NELL1: variants seen among roughly 807,000 people sequenced by gnomAD.
NELL1 encodes the protein protein kinase C-binding protein NELL1.
A neutral mutation model predicts 107.4 loss-of-function variants in NELL1; 76 were observed. The observed-to-expected ratio is 0.71, with a 90% CI of 0.59 to 0.86. The LOEUF is 0.86. Ranked by LOEUF, NELL1 falls within the 40% of genes least tolerant of loss-of-function variation. The pLI, the probability that NELL1 is intolerant of heterozygous loss-of-function variation, is 0.00. For synonymous variants in NELL1, 353 were observed against 341.2 expected, an observed-to-expected ratio of 1.03 and a Z score of -0.38; for missense variants, 1,024 against 1,005.5, an observed-to-expected ratio of 1.02 and a Z score of -0.25.
chr11:20,837,659 TAAAAC>T (rs1431363266), intron 3 of NELL1, among the ~76,000 whole-genome samples: 7 of 151,716 alleles, frequency 4.6e-5, no homozygotes, highest in Admixed American at 3.9e-4. Flanking sequence ...CAAAACAAAA[TAAAAC>T]AAAACAAGAA....
intron 13 of NELL1, among the ~76,000 whole-genome samples, chr11:21,161,411 C>T (rs2133800368): frequency 6.6e-6 from 1 of 152,242 alleles, no homozygotes; most frequent in African/African-American, 2.4e-5. Context: ...GTGGCGCACG[C>T]CGGTAATCCC....
chr11:21,355,820 G>T (rs1850919273), intron 14 of NELL1, among the ~76,000 whole-genome samples: 1 of 152,034 alleles, frequency 6.6e-6, no homozygotes, highest in African/African-American at 2.4e-5. Context: ...TTGACCTTCT[G>T]GTCAGAAGAG....
intron 15 of NELL1, among the ~76,000 whole-genome samples, chr11:21,391,985 C>G (rs1051351136): frequency 3.3e-5 from 5 of 151,788 alleles, no homozygotes; most frequent in African/African-American, 1.2e-4. Context: ...TCCTAGAAAT[C>G]AATCCTATAA....
intron 12 of NELL1, among the ~76,000 whole-genome samples, chr11:21,074,110 AT>A (rs1212990108): frequency 6.6e-6 from 1 of 152,152 alleles, no homozygotes; most frequent in Non-Finnish European, 1.5e-5. Context: ...GTCAAATTAC[AT>A]TTCTAAGAGA....
At chr11:21,120,706 A>G (rs1407911046) in intron 13 of NELL1, among the ~76,000 whole-genome samples, 1 of 152,172 alleles carries the variant, frequency 6.6e-6, no homozygotes, top group African/African-American at 2.4e-5. Flanking sequence ...TAGAATGCAA[A>G]GCTACTTTTT....
At chr11:20,862,723 C>A (rs1234967661) in intron 4 of NELL1, among the ~76,000 whole-genome samples, 1 of 147,846 alleles carries the variant, frequency 6.8e-6, no homozygotes, top group Non-Finnish European at 1.5e-5. Flanking sequence ...GAACAAAGGT[C>A]TCTGGCTTTC....
chr11:21,099,680 T>C (rs948503847), intron 12 of NELL1, among the ~76,000 whole-genome samples: 5 of 152,316 alleles, frequency 3.3e-5, no homozygotes, highest in African/African-American at 1.2e-4. Flanking sequence ...CCTGTGTTCC[T>C]CAGATGTGGA....
At chr11:20,713,941 A>G (rs1855173312) in intron 2 of NELL1, among the ~76,000 whole-genome samples, 1 of 152,112 alleles carries the variant, frequency 6.6e-6, no homozygotes, top group Admixed American at 6.5e-5. Flanking sequence ...GGATATTCAG[A>G]TTCCTCAGTT....
At chr11:21,098,855 A>G (rs1261297017) in intron 12 of NELL1, among the ~76,000 whole-genome samples, 3 of 151,950 alleles carry the variant, frequency 2.0e-5, no homozygotes, top group African/African-American at 7.3e-5. Flanking sequence ...GTGTTTGTGT[A>G]TCCTAAAATT....
chr11:21,533,863 A>T (rs1282725401), intron 15 of NELL1, among the ~76,000 whole-genome samples: 1 of 152,194 alleles, frequency 6.6e-6, no homozygotes, highest in African/African-American at 2.4e-5. Flanking sequence ...AACAGTGTGT[A>T]TTATCAATCT....
intron 12 of NELL1, among the ~76,000 whole-genome samples, chr11:21,000,200 G>A (rs1019816090): frequency 6.6e-6 from 1 of 151,960 alleles, no homozygotes; most frequent in Non-Finnish European, 1.5e-5. Flanking sequence ...CACCAGCACG[G>A]CACATGTATA....
chr11:20,997,415 G>T (rs1392553537), intron 12 of NELL1, among the ~76,000 whole-genome samples: 1 of 152,216 alleles, frequency 6.6e-6, no homozygotes, highest in Non-Finnish European at 1.5e-5. Flanking sequence ...GGCTGAAAAA[G>T]AGAATGATGC....
intron 2 of NELL1, among the ~76,000 whole-genome samples, chr11:20,690,366 G>T (rs1854430192): frequency 6.6e-6 from 1 of 152,226 alleles, no homozygotes; most frequent in Non-Finnish European, 1.5e-5. Context: ...CCATGCCTAT[G>T]TCCTGAATGG....
intron 11 of NELL1, among the ~76,000 whole-genome samples, chr11:20,959,164 A>G (rs1381790480): frequency 6.6e-6 from 1 of 152,224 alleles, no homozygotes; most frequent in East Asian, 1.9e-4. Flanking sequence ...TACTAAAAAT[A>G]AAATGGATGT....
At chr11:20,726,111 A>C (rs1032625849) in intron 2 of NELL1, among the ~76,000 whole-genome samples, 3 of 152,184 alleles carry the variant, frequency 2.0e-5, no homozygotes, top group African/African-American at 7.2e-5. Context: ...ATTCCATGGC[A>C]CATATATACC....
rs116294598 is a variant in NELL1 at position 21,051,057 on chromosome 11, G to A, written c.1301-62532G>A. ...TGGTTGTCTACTCAGAGGAAAGAAA[G>A]TACTTATACAAAAAAGATACTTGAC... is the stretch of plus-strand genomic sequence containing the variant. On this transcript the variant is annotated intron_variant, in intron 12 of 19. Transcript: ENST00000357134. Among the ~76,000 whole-genome samples, 237 of 152,178 alleles carry A rather than the reference G, an allele frequency of 1.6e-3. 1 individual carries two copies. The highest frequency in any genetic ancestry group is 5.2e-3 in the African/African-American group (214 of 41,534).
chr11:20,970,136 T>C (rs1173350346), intron 12 of NELL1, among the ~76,000 whole-genome samples: 1 of 141,300 alleles, frequency 7.1e-6, no homozygotes, highest in Non-Finnish European at 1.5e-5. Flanking sequence ...ACATGTATAT[T>C]GAGCCATAGT....
intron 11 of NELL1, among the ~76,000 whole-genome samples, chr11:20,951,903 G>C (rs1851076167): frequency 6.6e-6 from 1 of 152,106 alleles, no homozygotes; most frequent in Non-Finnish European, 1.5e-5. Context: ...GCAGGAGCCT[G>C]ACCACTTGAA....
At chr11:21,463,831 G>A (rs1853958644) in intron 15 of NELL1, among the ~76,000 whole-genome samples, 1 of 152,120 alleles carries the variant, frequency 6.6e-6, no homozygotes, top group South Asian at 2.1e-4. Flanking sequence ...TAGGGACTCA[G>A]ATGGAAAGAC....
Sources: allele counts gnomAD v4.1 joint callset (sites outside exome capture counted in the v4.1 genomes callset), GRCh38; gene constraint gnomAD v4.1.1; transcripts MANE v1.5; gene names NCBI Gene and HGNC (gene_info 2026-07-23, HGNC 2026-07-21).